The following UTS2B variants were observed in gnomAD, a reference collection of about 807,000 sequenced individuals.
UTS2B encodes the protein urotensin 2B, also known as urotensin-2B.
Under a neutral mutation model 19.2 loss-of-function variants are expected in UTS2B, and 21 were observed. The observed-to-expected ratio is 1.09, with a 90% CI of 0.78 to 1.58. The LOEUF (loss-of-function observed/expected upper bound fraction) is 1.58, where lower values mean the gene tolerates loss of function less well. UTS2B is among the 40% of genes most tolerant of loss of function. The probability of loss-of-function intolerance (pLI) is 0.00; values close to 1 mark genes in which losing one functional copy is unlikely to be tolerated. For synonymous variants in UTS2B, 57 were observed against 50.2 expected, an observed-to-expected ratio of 1.14 and a Z score of -0.58; for missense variants, 138 against 130.3, an observed-to-expected ratio of 1.06 and a Z score of -0.29.
intron 8 of UTS2B, among the ~76,000 whole-genome samples, chr3:191,274,584 C>A (rs1184457042): frequency 6.6e-6 from 1 of 152,112 alleles, no homozygotes; most frequent in Non-Finnish European, 1.5e-5. Context: ...TATAAAATGT[C>A]TGGTATATGT....
chr3:191,319,551 A>T (rs1576935911), intron 2 of UTS2B, among the ~76,000 whole-genome samples: 1 of 152,052 alleles, frequency 6.6e-6, no homozygotes, highest in Admixed American at 6.5e-5. Flanking sequence ...TTCTTTTTTT[A>T]AAAGTCCTTT....
At chr3:191,273,853 A>C (rs1716159936) in intron 8 of UTS2B, among the ~76,000 whole-genome samples, 1 of 152,226 alleles carries the variant, frequency 6.6e-6, no homozygotes, top group African/African-American at 2.4e-5. Context: ...CTTCATGTGT[A>C]ATTCTCCAGC....
At chr3:191,272,276 A>C (rs1014585514) in intron 8 of UTS2B, among the ~76,000 whole-genome samples, 5 of 152,230 alleles carry the variant, frequency 3.3e-5, no homozygotes, top group African/African-American at 1.2e-4. Context: ...AATCTGACAC[A>C]GTATCAGCAA....
intron 4 of UTS2B, among the ~76,000 whole-genome samples, chr3:191,286,755 A>G (rs1002600026): frequency 6.6e-6 from 1 of 152,122 alleles, no homozygotes; most frequent in South Asian, 2.1e-4. Flanking sequence ...GGGGAAGGAA[A>G]TAATAAAGAT....
intron 2 of UTS2B, among the ~76,000 whole-genome samples, chr3:191,317,567 T>TTTGTTGCTG (rs1553834247): frequency 4.6e-5 from 7 of 151,318 alleles, no homozygotes; most frequent in South Asian, 4.2e-4. Flanking sequence ...TAGGATAGTC[T>TTTGTTGCTG]TTGTTGTTGT....
At chr3:191,325,539 T>C (rs1717723954) in intron 2 of UTS2B, among the ~76,000 whole-genome samples, 1 of 152,166 alleles carries the variant, frequency 6.6e-6, no homozygotes, top group Non-Finnish European at 1.5e-5. Flanking sequence ...TGAGGGGACT[T>C]GAGCAACTGA....
chr3:191,305,854 A>C (rs1373617418), intron 3 of UTS2B, among the ~76,000 whole-genome samples: 1 of 152,040 alleles, frequency 6.6e-6, no homozygotes, highest in Non-Finnish European at 1.5e-5. Flanking sequence ...GCAGTAAGGA[A>C]GGGCCCAGTT....
intron 8 of UTS2B, chr3:191,273,521 A>G (rs1178563503): frequency 2.2e-6 from 1 of 456,576 alleles, no homozygotes; most frequent in Non-Finnish European, 4.4e-6. Flanking sequence ...TGTTTTGGCA[A>G]TGTTGGAGGC....
At chr3:191,317,197 C>T (rs976043766) in intron 2 of UTS2B, among the ~76,000 whole-genome samples, 7 of 152,214 alleles carry the variant, frequency 4.6e-5, no homozygotes, top group Non-Finnish European at 8.8e-5. Context: ...GTGCGGCGCT[C>T]AGTGCTGGGG....
At chr3:191,345,049 G>T in the UTS2B span, among the ~76,000 whole-genome samples, 2 of 152,172 alleles carry the variant, frequency 1.3e-5, no homozygotes, top group Non-Finnish European at 2.9e-5. Flanking sequence ...GAATCAATTT[G>T]ATGGGCACTC....
rs1188243176 is a variant in UTS2B at position 191,317,355 on chromosome 3, G to A, written c.-585-916C>T. Among the ~76,000 whole-genome samples, 6 of 152,180 alleles carry A rather than the reference G, an allele frequency of 3.9e-5. No homozygotes were observed. In the East Asian group the frequency reaches 7.7e-4, roughly 20 times the overall value. On this transcript the variant is annotated intron_variant, in intron 2 of 8. Coordinates refer to ENST00000340524, the MANE Select transcript of UTS2B (RefSeq NM_198152.5). Reference sequence around the variant, plus strand: ...TCGTGCTAGCCCGCAAGCAGCACGCGCAGCCCTGGTTCCCGTCTGCACCTC... The same window carrying A: ...TCGTGCTAGCCCGCAAGCAGCACGCACAGCCCTGGTTCCCGTCTGCACCTC...
At chr3:191,334,061 G>A, upstream of UTS2B, among the ~76,000 whole-genome samples, 1 of 151,996 alleles carries the variant, frequency 6.6e-6, no homozygotes, top group Admixed American at 6.6e-5. Context: ...GTAATAATAG[G>A]TTTAATTTTT....
At chr3:191,322,003 G>A (rs966643244) in intron 2 of UTS2B, among the ~76,000 whole-genome samples, 1 of 151,874 alleles carries the variant, frequency 6.6e-6, no homozygotes, top group Non-Finnish European at 1.5e-5. Flanking sequence ...CTCCAGCCTG[G>A]GTGACAAGAG....
intron 4 of UTS2B, among the ~76,000 whole-genome samples, chr3:191,301,853 T>C (rs1560141436): frequency 6.6e-6 from 1 of 152,202 alleles, no homozygotes; most frequent in Non-Finnish European, 1.5e-5. Flanking sequence ...TAGAAAGATG[T>C]CATTATCAAA....
chr3:191,273,400 G>A (rs568812175), intron 8 of UTS2B: 35 of 447,480 alleles, frequency 7.8e-5, no homozygotes, highest in South Asian at 5.6e-4. Context: ...CTTGCCATAT[G>A]TTGGTGGTAG....
intron 2 of UTS2B, among the ~76,000 whole-genome samples, chr3:191,318,158 A>G (rs1185945787): frequency 6.6e-6 from 1 of 152,194 alleles, no homozygotes; most frequent in African/African-American, 2.4e-5. Flanking sequence ...TGTGACATGC[A>G]TTTTCCTACA....
At chr3:191,338,710 G>C in the UTS2B span, among the ~76,000 whole-genome samples, 36 of 152,254 alleles carry the variant, frequency 2.4e-4, no homozygotes, top group African/African-American at 7.7e-4. Flanking sequence ...GCTAATCTTT[G>C]AAAGATCATT....
chr3:191,316,964 C>G (rs1177248062), intron 2 of UTS2B, among the ~76,000 whole-genome samples: 2 of 152,268 alleles, frequency 1.3e-5, no homozygotes, highest in African/African-American at 4.8e-5. Context: ...GCGGATCCCA[C>G]GCCGGGGCTG....
At chr3:191,307,261 A>G (rs1276144463) in intron 3 of UTS2B, among the ~76,000 whole-genome samples, 1 of 152,162 alleles carries the variant, frequency 6.6e-6, no homozygotes, top group Non-Finnish European at 1.5e-5. Flanking sequence ...CTTGACATTA[A>G]AGATTCTCCA....
Sources: allele counts gnomAD v4.1 joint callset (sites outside exome capture counted in the v4.1 genomes callset), GRCh38; gene constraint gnomAD v4.1.1; transcripts MANE v1.5; gene names NCBI Gene and HGNC (gene_info 2026-07-23, HGNC 2026-07-21).